Variants in GRIK4 observed in about 807,000 individuals in gnomAD.
GRIK4 encodes glutamate ionotropic receptor kainate type subunit 4, also known as glutamate receptor ionotropic, kainate 4.
GRIK4 carries 40 observed loss-of-function variants against 104.9 expected under a neutral mutation model. That is an observed-to-expected ratio of 0.38 (90% CI 0.30 to 0.50). The LOEUF is 0.50. Ranked by LOEUF, GRIK4 falls within the 20% of genes least tolerant of loss-of-function variation. The pLI is 0.93. For missense variants in GRIK4, 1,047 were observed against 1,308.1 expected (o/e 0.80, Z 3.08); for synonymous variants, 485 against 524.9 (o/e 0.92, Z 1.04).
intron 3 of GRIK4, among the ~76,000 whole-genome samples, chr11:120,740,161 G>A (rs888605115): frequency 9.3e-5 from 14 of 150,072 alleles, no homozygotes; most frequent in African/African-American, 3.2e-4. Flanking sequence ...TCCCTTCTGA[G>A]CCTACTCTCC....
intron 4 of GRIK4, among the ~76,000 whole-genome samples, chr11:120,814,016 T>C (rs889144442): frequency 5.3e-5 from 8 of 152,198 alleles, no homozygotes; most frequent in African/African-American, 1.9e-4. Context: ...GTCTCTAGCA[T>C]TTTAAAATCT....
chr11:120,813,088 A>G (rs1565367227), intron 4 of GRIK4, among the ~76,000 whole-genome samples: 1 of 152,220 alleles, frequency 6.6e-6, no homozygotes, highest in Non-Finnish European at 1.5e-5. Context: ...GATTCAGTAG[A>G]CGAGGTGGGC....
chr11:120,644,998 T>C (rs551142838), intron 1 of GRIK4, among the ~76,000 whole-genome samples: 1 of 152,294 alleles, frequency 6.6e-6, no homozygotes, highest in South Asian at 2.1e-4. Flanking sequence ...TGAGGATGCA[T>C]GTATGTATGT....
chr11:120,805,499 G>T (rs3016415), intron 4 of GRIK4, among the ~76,000 whole-genome samples: 130,412 of 152,262 alleles, frequency 0.86, 56,319 homozygotes, highest in African/African-American at 0.96. Context: ...TTCCATCTTA[G>T]AGAACTTTGG....
chr11:120,896,751 A>G (rs552208335), intron 11 of GRIK4, among the ~76,000 whole-genome samples: 63 of 152,346 alleles, frequency 4.1e-4, no homozygotes, highest in African/African-American at 1.2e-3. Flanking sequence ...TGGAAATTCC[A>G]TAAAAGAACC....
chr11:120,575,397 G>C (rs545997489), intron 1 of GRIK4, among the ~76,000 whole-genome samples: 1 of 152,000 alleles, frequency 6.6e-6, no homozygotes, highest in Non-Finnish European at 1.5e-5. Context: ...ACTTGTCTGC[G>C]TCGTTTTACT....
At chr11:120,782,285 CTTT>C (rs1264123873) in intron 3 of GRIK4, among the ~76,000 whole-genome samples, 1 of 132,686 alleles carries the variant, frequency 7.5e-6, no homozygotes, top group Non-Finnish European at 1.6e-5. Context: ...GCCAGTATGA[CTTT>C]TTTTTTTTTT....
At chr11:120,620,014 GT>G (rs1949165536) in intron 1 of GRIK4, 4 of 534,286 alleles carry the variant, frequency 7.5e-6, no homozygotes, top group Non-Finnish European at 6.9e-6. Flanking sequence ...CGGTGGAGCT[GT>G]TAGCGTAGTG....
intron 3 of GRIK4, among the ~76,000 whole-genome samples, chr11:120,719,031 T>G (rs74236028): frequency 0.066 from 10,010 of 152,056 alleles, 410 homozygotes; most frequent in East Asian, 0.13. Flanking sequence ...GTTTTGCGGG[T>G]TTTTTTTAGA....
intron 1 of GRIK4, among the ~76,000 whole-genome samples, chr11:120,553,295 G>A (rs1948157289): frequency 6.6e-6 from 1 of 152,192 alleles, no homozygotes; most frequent in Non-Finnish European, 1.5e-5. Flanking sequence ...AGGGGAACAG[G>A]AGGAAACCAG....
At chr11:120,712,922 C>G (rs1950764422) in intron 3 of GRIK4, among the ~76,000 whole-genome samples, 1 of 152,156 alleles carries the variant, frequency 6.6e-6, no homozygotes, top group Non-Finnish European at 1.5e-5. Context: ...TAGCCTGGAT[C>G]CCTTCTTTTG....
At chr11:120,603,677 A>G (rs1276039970) in intron 1 of GRIK4, among the ~76,000 whole-genome samples, 1 of 152,222 alleles carries the variant, frequency 6.6e-6, no homozygotes, top group East Asian at 1.9e-4. Flanking sequence ...CTTGGGTTCA[A>G]AGACAAGTCC....
chr11:120,694,458 G>A (rs1331382811), intron 3 of GRIK4, among the ~76,000 whole-genome samples: 1 of 152,196 alleles, frequency 6.6e-6, no homozygotes, highest in African/African-American at 2.4e-5. Flanking sequence ...AATCCCAACA[G>A]CAAAAAGTGA....
intron 1 of GRIK4, among the ~76,000 whole-genome samples, chr11:120,642,186 C>T (rs2135201507): frequency 6.6e-6 from 1 of 152,258 alleles, no homozygotes; most frequent in East Asian, 1.9e-4. Flanking sequence ...AAGTTATTAG[C>T]CAGGTGTGGT....
intron 6 of GRIK4, among the ~76,000 whole-genome samples, chr11:120,828,989 C>A (rs1053960698): frequency 6.6e-6 from 1 of 152,222 alleles, no homozygotes; most frequent in Non-Finnish European, 1.5e-5. Flanking sequence ...CTATGCATAA[C>A]CCTGCTGTCA....
At chr11:120,722,029 G>A (rs1326314910) in intron 3 of GRIK4, among the ~76,000 whole-genome samples, 1 of 152,124 alleles carries the variant, frequency 6.6e-6, no homozygotes, top group East Asian at 1.9e-4. Flanking sequence ...GAGAGGTTAA[G>A]TAACTTGAGG....
chr11:120,791,725 G>A (rs572108362), intron 3 of GRIK4, among the ~76,000 whole-genome samples: 27 of 152,208 alleles, frequency 1.8e-4, no homozygotes, highest in East Asian at 1.3e-3. Flanking sequence ...AGGTTTTACC[G>A]TTATGTCTAT....
At chr11:120,916,516 G>A (rs1767055869) in intron 13 of GRIK4, among the ~76,000 whole-genome samples, 1 of 152,164 alleles carries the variant, frequency 6.6e-6, no homozygotes, top group African/African-American at 2.4e-5. Flanking sequence ...CACAGTGCCT[G>A]AAACACGGTG....
rs150906611 is a variant in GRIK4 at position 120,819,234 on chromosome 11, C to G, written c.346-521C>G. Among the ~76,000 whole-genome samples the G allele has an allele frequency of 1.3e-5, 2 of 152,226 alleles. No individual in the cohort carries two copies. The highest frequency in any genetic ancestry group is 2.4e-5 in the African/African-American group (1 of 41,460). On this transcript the variant is annotated intron_variant, in intron 5 of 20. Transcript: ENST00000527524. The surrounding 1 kb of genome is among the most constrained non-coding windows in gnomAD (Gnocchi z 4.3). ...CCCATCCCCGCCCCACTTCCTCTCC[C>G]TGGGCATTCCCCACTGAAGTTTGTT... is the stretch of plus-strand genomic sequence containing the variant.
Sources: gnomAD v4.1 joint callset for allele counts (sites outside exome capture counted in the v4.1 genomes callset) on GRCh38, gnomAD v4.1.1 for gene constraint, Gnocchi (gnomAD v3.1) non-coding constraint, MANE v1.5 for transcripts, NCBI Gene and HGNC (gene_info 2026-07-23, HGNC 2026-07-21) for gene names.